The following SLC35F3 variants were observed in gnomAD, a reference collection of about 807,000 sequenced individuals.
The protein encoded by SLC35F3 is solute carrier family 35 member F3.
SLC35F3 carries 25 observed loss-of-function variants against 49.9 expected under a neutral mutation model. That is an observed-to-expected ratio of 0.50 (90% confidence interval 0.37 to 0.70). The LOEUF (loss-of-function observed/expected upper bound fraction) is 0.70. Ranked by LOEUF, SLC35F3 falls within the 30% of genes least tolerant of loss-of-function variation. The pLI is 0.00. For missense variants in SLC35F3, 525 were observed against 639.8 expected, an observed-to-expected ratio of 0.82 and a Z score of 1.94; for synonymous variants, 275 against 265.4, an observed-to-expected ratio of 1.04 and a Z score of -0.35.
At chr1:233,936,937 C>T (rs898786694) in intron 2 of SLC35F3, among the ~76,000 whole-genome samples, 2 of 152,168 alleles carry the variant, frequency 1.3e-5, no homozygotes, top group Non-Finnish European at 2.9e-5. Context: ...AGTGATCTTC[C>T]TGCCTTGGCC....
At chr1:233,910,933 G>A (rs553044038) in intron 2 of SLC35F3, among the ~76,000 whole-genome samples, 4 of 152,216 alleles carry the variant, frequency 2.6e-5, no homozygotes, top group South Asian at 4.1e-4. Context: ...ACTCCAGCCC[G>A]CTATTGGCAA....
At chr1:234,017,715 G>GA (rs35271984) in intron 2 of SLC35F3, among the ~76,000 whole-genome samples, 49,916 of 91,668 alleles carry the variant, frequency 0.54, 13,513 homozygotes, top group Non-Finnish European at 0.66. Flanking sequence ...CTTTGTCTCA[G>GA]AAAAAAAAAA....
At position 233,915,775 on chromosome 1, in the gene SLC35F3, AAG is replaced by A. The variant is rs200598948; in HGVS notation, c.283+10028_283+10029del. Reference sequence around the variant, plus strand: ...CATCTTACATGGATGGCTGCAGGCAAAGAGAGAGAGAGCTTGTTCAGAGGAAC... The same window carrying A: ...CATCTTACATGGATGGCTGCAGGCAAAGAGAGAGAGCTTGTTCAGAGGAAC... On this transcript the variant is annotated intron_variant, in intron 2 of 7. Transcript: ENST00000366618. Among the ~76,000 whole-genome samples, 727 of 152,190 alleles carry A rather than the reference AAG, an allele frequency of 4.8e-3. 11 individuals carry two copies. Among genetic ancestry groups the A allele is most frequent in the African/African-American group, 0.016 (652 of 41,528 alleles).
intron 2 of SLC35F3, among the ~76,000 whole-genome samples, chr1:234,230,439 C>G (rs1474940103): frequency 1.3e-5 from 2 of 152,246 alleles, no homozygotes; most frequent in Non-Finnish European, 2.9e-5. Flanking sequence ...TAATGTGCCT[C>G]CATTCAGCTA....
intron 2 of SLC35F3, among the ~76,000 whole-genome samples, chr1:233,999,740 G>A (rs1003118553): frequency 7.9e-5 from 12 of 152,100 alleles, no homozygotes; most frequent in African/African-American, 1.7e-4. Context: ...TTCATACCTC[G>A]TATTTTCTGT....
At chr1:234,082,203 T>C (rs572592887) in intron 2 of SLC35F3, among the ~76,000 whole-genome samples, 3 of 152,274 alleles carry the variant, frequency 2.0e-5, no homozygotes, top group Non-Finnish European at 2.9e-5. Flanking sequence ...AAATTGTAGA[T>C]CAGTTTTCTG....
chr1:234,013,428 A>G (rs1325697846), intron 2 of SLC35F3, among the ~76,000 whole-genome samples: 2 of 152,076 alleles, frequency 1.3e-5, no homozygotes, highest in African/African-American at 4.8e-5. Flanking sequence ...TTATACCTCA[A>G]GGAACTAGAA....
At chr1:234,291,425 G>A (rs958860351) in intron 3 of SLC35F3, among the ~76,000 whole-genome samples, 1 of 152,182 alleles carries the variant, frequency 6.6e-6, no homozygotes, top group South Asian at 2.1e-4. Flanking sequence ...AGGAGGAACA[G>A]TTCCCCAGAA....
In SLC35F3 at chr1:234,247,300, T is replaced by G. The variant is rs113002030; in HGVS notation, c.608+15559T>G. 3.0e-3 allele frequency among the ~76,000 whole-genome samples: 457 copies of G among 152,368 alleles called. 1 individual carries two copies. The highest frequency in any genetic ancestry group is 0.01 in the African/African-American group (433 of 41,582). On this transcript the variant is annotated intron_variant, in intron 3 of 7. Transcript: ENST00000366618. ...GTTTTAAACTTTGTCATTTGATTGT[T>G]GGGTTGGTCAGTTGATTGGCTGGTC...
chr1:234,269,502 C>A (rs1668064303), intron 3 of SLC35F3, among the ~76,000 whole-genome samples: 1 of 151,744 alleles, frequency 6.6e-6, no homozygotes, highest in Non-Finnish European at 1.5e-5. Context: ...CCAGACCCCA[C>A]CCACCCACTC....
rs189650624 is a variant in SLC35F3 at position 234,104,904 on chromosome 1, G to T, written c.284-126513G>T. Among the ~76,000 whole-genome samples, 21 of 152,284 alleles carry T rather than the reference G, an allele frequency of 1.4e-4. No homozygotes were observed. In the East Asian group the frequency reaches 3.1e-3, roughly 22 times the overall value. On this transcript the variant is annotated intron_variant, in intron 2 of 7. Coordinates refer to ENST00000366618, the MANE Select transcript of SLC35F3 (RefSeq NM_173508.4). ...CCAGCACTTTGGGAGGCCGAGGCAG[G>T]CGGATCACGGGGTCAGGTGTTTGAG...
intron 2 of SLC35F3, among the ~76,000 whole-genome samples, chr1:234,038,803 G>A (rs1664180688): frequency 6.6e-6 from 1 of 152,140 alleles, no homozygotes; most frequent in Non-Finnish European, 1.5e-5. Flanking sequence ...AATAAGAGAT[G>A]GTGAGGAGTG....
intron 3 of SLC35F3, among the ~76,000 whole-genome samples, chr1:234,246,524 T>A (rs1052297447): frequency 6.6e-6 from 1 of 152,204 alleles, no homozygotes; most frequent in African/African-American, 2.4e-5. Flanking sequence ...TGCCAAATGA[T>A]AAGAGCAAAC....
chr1:233,955,237 A>G (rs574173650), intron 2 of SLC35F3, among the ~76,000 whole-genome samples: 1 of 152,356 alleles, frequency 6.6e-6, no homozygotes, highest in East Asian at 1.9e-4. Context: ...CAACTGAGAC[A>G]GCTATACACT....
At position 234,138,730 on chromosome 1, in the gene SLC35F3, T is replaced by A. The variant is rs144647110; in HGVS notation, c.284-92687T>A. ...GCTTAGCTAATTTTTTATTTTTACTTTTATAGAGATGGGTGTCACTATGCT... is the reference window on the plus strand; with the variant it reads ...GCTTAGCTAATTTTTTATTTTTACTATTATAGAGATGGGTGTCACTATGCT... On this transcript the variant is annotated intron_variant, in intron 2 of 7. Coordinates refer to ENST00000366618, the MANE Select transcript of SLC35F3 (RefSeq NM_173508.4). Among the ~76,000 whole-genome samples, 666 of 152,230 alleles carry A rather than the reference T, an allele frequency of 4.4e-3. 8 individuals are homozygous for A. The highest frequency in any genetic ancestry group is 0.015 in the African/African-American group (619 of 41,524).
chr1:234,268,333 C>T (rs1192400943), intron 3 of SLC35F3, among the ~76,000 whole-genome samples: 1 of 112,262 alleles, frequency 8.9e-6, no homozygotes, highest in African/African-American at 3.2e-5. Context: ...CGCGCGCCTG[C>T]AATCGCACGC....
At position 234,195,652 on chromosome 1, in the gene SLC35F3, C is replaced by T. The variant is rs958093608; in HGVS notation, c.284-35765C>T. 3.9e-5 allele frequency among the ~76,000 whole-genome samples: 6 copies of T among 152,140 alleles called. 1 individual carries two copies. Among genetic ancestry groups the T allele is most frequent in the African/African-American group, 1.4e-4 (6 of 41,408 alleles). On this transcript the variant is annotated intron_variant, in intron 2 of 7. Coordinates refer to ENST00000366618, the MANE Select transcript of SLC35F3 (RefSeq NM_173508.4). ...CCATCCTGAAAACCCATTAATACCC[C>T]CCTGCAACCACGTACCTGCCACAGT...
intron 2 of SLC35F3, among the ~76,000 whole-genome samples, chr1:234,222,688 T>C (rs1035580689): frequency 1.3e-4 from 20 of 152,322 alleles, no homozygotes; most frequent in African/African-American, 4.8e-4. Flanking sequence ...GGAGGTACTG[T>C]CCTGCATATA....
intron 2 of SLC35F3, among the ~76,000 whole-genome samples, chr1:234,099,627 A>AAC (rs71170456): frequency 6.7e-6 from 1 of 149,614 alleles, no homozygotes; most frequent in Non-Finnish European, 1.5e-5. Context: ...AAAAAAAAAA[A>AAC]CAAAAAAAAG....
Sources: gnomAD v4.1 joint callset for allele counts (sites outside exome capture counted in the v4.1 genomes callset) on GRCh38, gnomAD v4.1.1 for gene constraint, MANE v1.5 for transcripts, NCBI Gene and HGNC (gene_info 2026-07-23, HGNC 2026-07-21) for gene names.